The following TM9SF4 variants were observed in gnomAD, a reference collection of about 807,000 sequenced individuals.
TM9SF4 encodes the protein dinucleotide oxidase disulfide thiol exchanger 3 superfamily member 4.
A neutral mutation model predicts 90.4 loss-of-function variants in TM9SF4; 26 were observed. The ratio of observed to expected loss-of-function variants is 0.29; its 90% CI spans 0.21 to 0.40. The LOEUF is 0.40. Ranked by LOEUF, TM9SF4 falls within the 10% of genes least tolerant of loss-of-function variation. The pLI, the probability that TM9SF4 is intolerant of heterozygous loss-of-function variation, is 1.00. For missense variants in TM9SF4, 549 were observed against 834.8 expected, an observed-to-expected ratio of 0.66 and a Z score of 4.22; for synonymous variants, 293 against 315.4, an observed-to-expected ratio of 0.93 and a Z score of 0.75.
chr20:32,158,598 C>G, intron 15 of TM9SF4, 84 bp downstream of exon 15: 1 of 1,434,796 alleles, frequency 7.0e-7, no homozygotes, highest in South Asian at 1.2e-5. Flanking sequence ...TGCCTACTGC[C>G]TGAGAAAGTT....
rs1478421912 is a variant in TM9SF4 at position 32,165,602 on chromosome 20, G to C, written c.*158G>C. 6.2e-6 allele frequency: 5 copies of C among 812,682 alleles called. No homozygotes were observed. Among genetic ancestry groups the C allele is most frequent in the Non-Finnish European group, 9.5e-6 (5 of 525,566 alleles). The allele number at this position is 812,682 out of a possible 1,614,324, so 50.3% of individuals were successfully genotyped here. A position where few individuals can be genotyped will look rare whatever the true frequency, so the allele number is the denominator to read the frequency against. On this transcript the variant is annotated 3_prime_UTR_variant, in exon 18 of 18. Transcript: ENST00000398022. ...CTGGGGCTGCGTGGGGGGCGGGAGG[G>C]CCTGTAGATAATCTTGCGTTTTTCG...
intron 8 of TM9SF4, among the ~76,000 whole-genome samples, chr20:32,145,967 G>A (rs971531914): frequency 2.3e-4 from 35 of 152,218 alleles, no homozygotes; most frequent in Admixed American, 2.2e-3. Context: ...CTGTGCCAGT[G>A]AGGATCATGG....
Position 32,165,370 on chromosome 20 carries a change from C to T in TM9SF4, c.1855C>T (p.Leu619=), listed in dbSNP as rs746788561. The change falls in exon 18 of 18, where the codon CTA becomes TTA. Residue 619 remains leucine, a synonymous_variant. Coordinates refer to ENST00000398022, the MANE Select transcript of TM9SF4 (RefSeq NM_014742.4). The stretch of plus-strand genomic sequence containing the variant: ...CCTCATGGTCTTGTCCTTCTGGCTG[C>T]TAACGGGTACCATCGGCTTCTATGC... ...TALMVLSFWL[L]TGTIGFYAAY... The T allele has an allele frequency of 4.3e-6, 7 of 1,614,210 alleles. No homozygotes were observed. In the East Asian group the frequency reaches 1.3e-4, roughly 31 times the overall value.
At chr20:32,152,808 C>T (rs925102666) in intron 12 of TM9SF4, among the ~76,000 whole-genome samples, 6 of 152,248 alleles carry the variant, frequency 3.9e-5, no homozygotes, top group Non-Finnish European at 2.9e-5. Flanking sequence ...CCTCCTACCC[C>T]GAGCCTGGCA....
At chr20:32,125,751 C>T (rs1184751276) in intron 1 of TM9SF4, among the ~76,000 whole-genome samples, 1 of 134,878 alleles carries the variant, frequency 7.4e-6, no homozygotes, top group Non-Finnish European at 1.5e-5. Flanking sequence ...GTGGTGTGAT[C>T]ATGGCTCACT....
chr20:32,145,566 A>G (rs1275649145), intron 8 of TM9SF4, 143 bp downstream of exon 8: 1 of 672,000 alleles, frequency 1.5e-6, no homozygotes, highest in Admixed American at 2.5e-5. Context: ...GCTAAGCATC[A>G]GGTGTACATA....
At chr20:32,143,226 C>A in intron 6 of TM9SF4, 121 bp downstream of exon 6, 2 of 1,254,788 alleles carry the variant, frequency 1.6e-6, no homozygotes, top group Non-Finnish European at 2.2e-6. Flanking sequence ...CGTGTGGGCC[C>A]AGCCAAGGTA....
chr20:32,116,073 C>T (rs1000102415), intron 1 of TM9SF4: 4 of 152,200 alleles, frequency 2.6e-5, no homozygotes, highest in African/African-American at 9.7e-5. Context: ...CCACCTGCCT[C>T]AGCCTCCCAA....
At chr20:32,112,002 C>T (rs2046149765) in intron 1 of TM9SF4, among the ~76,000 whole-genome samples, 1 of 152,192 alleles carries the variant, frequency 6.6e-6, no homozygotes, top group Non-Finnish European at 1.5e-5. Flanking sequence ...TTGTATTAGG[C>T]TGCTTCCCCT....
chr20:32,149,284 A>G (rs1005082582), intron 9 of TM9SF4, among the ~76,000 whole-genome samples: 2 of 152,230 alleles, frequency 1.3e-5, no homozygotes, highest in Admixed American at 6.5e-5. Flanking sequence ...ACAAGTAAGA[A>G]TGCATATTTC....
At chr20:32,161,469 C>A in intron 17 of TM9SF4, 104 bp downstream of exon 17, 1 of 1,111,134 alleles carries the variant, frequency 9.0e-7, no homozygotes, top group Non-Finnish European at 1.3e-6. Flanking sequence ...CCTTTTCCAC[C>A]CAGAATGGGG....
intron 3 of TM9SF4, among the ~76,000 whole-genome samples, chr20:32,141,096 A>G (rs1569080056): frequency 6.6e-6 from 1 of 151,662 alleles, no homozygotes; most frequent in Non-Finnish European, 1.5e-5. Flanking sequence ...ATGCACCTGT[A>G]GTCCCAACTA....
chr20:32,140,213 A>G (rs994480101), intron 3 of TM9SF4, among the ~76,000 whole-genome samples: 2 of 152,218 alleles, frequency 1.3e-5, no homozygotes, highest in Admixed American at 1.3e-4. Context: ...TTGTCCATCA[A>G]TTGTTGAACA....
intron 1 of TM9SF4, 66 bp from the exon 2 acceptor site, chr20:32,132,947 G>T: frequency 6.9e-7 from 1 of 1,444,442 alleles, no homozygotes; most frequent in South Asian, 1.2e-5. Flanking sequence ...GGTATGACTT[G>T]ATCTGCCTCA....
intron 1 of TM9SF4, among the ~76,000 whole-genome samples, chr20:32,132,087 T>C (rs927378539): frequency 3.3e-5 from 5 of 152,178 alleles, no homozygotes; most frequent in African/African-American, 7.2e-5. Context: ...GAGGAAGTGA[T>C]ATTTGAGAGA....
intron 1 of TM9SF4, among the ~76,000 whole-genome samples, chr20:32,121,819 G>C (rs1247466746): frequency 6.6e-6 from 1 of 150,990 alleles, no homozygotes; most frequent in Non-Finnish European, 1.5e-5. Flanking sequence ...GGGGCGGCTG[G>C]CCGGGCGGGG....
intron 16 of TM9SF4, 124 bp downstream of exon 16, chr20:32,160,235 C>T (rs2046995389): frequency 4.2e-6 from 6 of 1,421,508 alleles, no homozygotes; most frequent in Non-Finnish European, 5.8e-6. Context: ...TGGCTCTGAG[C>T]TCTTGGGCCA....
chr20:32,129,901 T>C (rs989330686), intron 1 of TM9SF4, among the ~76,000 whole-genome samples: 1 of 152,200 alleles, frequency 6.6e-6, no homozygotes, highest in Non-Finnish European at 1.5e-5. Flanking sequence ...GTGAACTATT[T>C]TAAATAATGT....
chr20:32,152,171 A>G (rs915180909), intron 12 of TM9SF4, among the ~76,000 whole-genome samples: 2 of 151,852 alleles, frequency 1.3e-5, no homozygotes, highest in Non-Finnish European at 2.9e-5. Context: ...CGCCCAGCCA[A>G]CTTCCTGAAT....
Sources: gnomAD v4.1 joint callset for allele counts (sites outside exome capture counted in the v4.1 genomes callset) on GRCh38, gnomAD v4.1.1 for gene constraint, MANE v1.5 for transcripts, NCBI Gene and HGNC (gene_info 2026-07-23, HGNC 2026-07-21) for gene names.